The following KAZN variants were observed in gnomAD, a reference collection of about 807,000 sequenced individuals.
KAZN encodes kazrin.
Under a neutral mutation model 87.4 loss-of-function variants are expected in KAZN, and 40 were observed. The ratio of observed to expected loss-of-function variants is 0.46; its 90% CI spans 0.36 to 0.60. KAZN has a LOEUF of 0.60. KAZN is among the 20% of genes least tolerant of loss of function. KAZN has a pLI of 0.00. For synonymous variants in KAZN, 466 were observed against 458.3 expected (o/e 1.02, Z -0.22); for missense variants, 898 against 1,073.9 (o/e 0.84, Z 2.29).
intron 1 of KAZN, among the ~76,000 whole-genome samples, chr1:13,960,499 T>A (rs1195876712): frequency 2.0e-5 from 3 of 151,650 alleles, no homozygotes; most frequent in African/African-American, 7.3e-5. Flanking sequence ...GCCACAGAGA[T>A]GAAGGTGAAA....
At chr1:14,588,988 A>C (rs1486375918) in intron 2 of KAZN, among the ~76,000 whole-genome samples, 1 of 152,180 alleles carries the variant, frequency 6.6e-6, no homozygotes, top group Non-Finnish European at 1.5e-5. Flanking sequence ...GGCCATGGGC[A>C]CGGATGCAGA....
chr1:14,368,763 A>T (rs1054420294), intron 2 of KAZN, among the ~76,000 whole-genome samples: 1 of 152,192 alleles, frequency 6.6e-6, no homozygotes, highest in Non-Finnish European at 1.5e-5. Context: ...ATCGATTTTT[A>T]TAGTGTCTAA....
intron 2 of KAZN, among the ~76,000 whole-genome samples, chr1:14,240,475 C>T (rs977086938): frequency 6.6e-6 from 1 of 152,202 alleles, no homozygotes; most frequent in African/African-American, 2.4e-5. Flanking sequence ...GGGCCTTGCT[C>T]AGTTCCTCTT....
At chr1:14,913,212 C>A (rs1657436438) in intron 1 of KAZN, among the ~76,000 whole-genome samples, 1 of 152,128 alleles carries the variant, frequency 6.6e-6, no homozygotes, top group Admixed American at 6.5e-5. Flanking sequence ...GCTCACCCAG[C>A]GGCTCTTGGG....
In KAZN at chr1:14,923,795, G is replaced by C. The variant is rs1169303885; in HGVS notation, c.227-36889G>C. On this transcript the variant is annotated intron_variant, in intron 1 of 14. Coordinates refer to ENST00000376030, the MANE Select transcript of KAZN (RefSeq NM_201628.3). The surrounding 1 kb of genome is among the most constrained non-coding windows in gnomAD (Gnocchi z 4.2). ...GTCAGCTGTGGGGACCTCGGCTCTC[G>C]GCAAGGCTGTCACAGGGTGTCAGGA... 6.6e-6 allele frequency among the ~76,000 whole-genome samples: 1 copy of C among 152,204 alleles called. No homozygotes were observed. The highest frequency in any genetic ancestry group is 2.4e-5 in the African/African-American group (1 of 41,454).
chr1:14,814,131 A>G (rs1646495337), intron 1 of KAZN, among the ~76,000 whole-genome samples: 1 of 152,262 alleles, frequency 6.6e-6, no homozygotes, highest in Non-Finnish European at 1.5e-5. Flanking sequence ...CTTGATGTCC[A>G]CTAAGGGAAG....
At chr1:14,857,837 GTTC>G (rs1650310088) in intron 1 of KAZN, among the ~76,000 whole-genome samples, 1 of 54,020 alleles carries the variant, frequency 1.9e-5, no homozygotes, top group Non-Finnish European at 3.7e-5. Flanking sequence ...TTGAGATATA[GTTC>G]ATATACCATA....
chr1:14,041,892 T>C (rs1430018180), intron 1 of KAZN, among the ~76,000 whole-genome samples: 1 of 152,190 alleles, frequency 6.6e-6, no homozygotes, highest in Non-Finnish European at 1.5e-5. Flanking sequence ...AAGGTATTGT[T>C]TAATTTTTTT....
intron 2 of KAZN, among the ~76,000 whole-genome samples, chr1:14,576,533 T>C (rs747686283): frequency 6.6e-6 from 1 of 152,228 alleles, no homozygotes; most frequent in Non-Finnish European, 1.5e-5. Context: ...CTGAAAAGGA[T>C]ATGAAGTCAT....
At chr1:14,214,447 A>G (rs978389321) in intron 2 of KAZN, among the ~76,000 whole-genome samples, 4 of 152,314 alleles carry the variant, frequency 2.6e-5, no homozygotes, top group African/African-American at 9.6e-5. Context: ...AAATCTGCAG[A>G]TAACCCCCAA....
At chr1:14,642,541 G>T (rs1430013869) in intron 1 of KAZN, among the ~76,000 whole-genome samples, 1 of 152,206 alleles carries the variant, frequency 6.6e-6, no homozygotes, top group African/African-American at 2.4e-5. Context: ...ACTGGAGGCT[G>T]GAGGGGTTGG....
intron 1 of KAZN, among the ~76,000 whole-genome samples, chr1:14,881,173 A>G (rs955415933): frequency 6.6e-6 from 1 of 152,202 alleles, no homozygotes; most frequent in Non-Finnish European, 1.5e-5. Flanking sequence ...TGCTCCACAG[A>G]TTGTGCTCAG....
At chr1:14,964,777 C>T (rs1018325346) in intron 2 of KAZN, among the ~76,000 whole-genome samples, 4 of 152,186 alleles carry the variant, frequency 2.6e-5, no homozygotes, top group Admixed American at 2.0e-4. Flanking sequence ...ACTGCCCCAC[C>T]GTCTTTGTGT....
At position 15,112,485 on chromosome 1, in the gene KAZN, G is replaced by C; in HGVS notation, c.2107G>C (p.Val703Leu). ...FGTPPGRASSVTRAGKEENSS... is the reference protein window; with the variant it reads ...FGTPPGRASSLTRAGKEENSS... ...AACGCCCCCTGGCAGGGCCTCCAGC[G>C]TCACGCGGGCAGGAAAGGAGGAGAA... Residue 703 changes from valine to leucine, a missense_variant, in exon 14 of 15, where the codon GTC (valine) becomes CTC (leucine). This residue lies in a region of KAZN where 127 missense variants were observed against 121.5 expected (regional missense o/e 1.04). Transcript: ENST00000376030. 1.2e-6 allele frequency: 2 copies of C among 1,605,498 alleles called. No individual in the cohort carries two copies. The highest frequency in any genetic ancestry group is 1.7e-6 in the Non-Finnish European group (2 of 1,177,016).
At chr1:14,851,149 C>A (rs192331721) in intron 1 of KAZN, among the ~76,000 whole-genome samples, 1 of 152,130 alleles carries the variant, frequency 6.6e-6, no homozygotes, top group Non-Finnish European at 1.5e-5. Context: ...CCCTCCTAGA[C>A]GGCTCACAGC....
At position 14,735,350 on chromosome 1, in the gene KAZN, G is replaced by A. The variant is rs567767924; in HGVS notation, c.226+136127G>A. ...GCTGGGATTACAGGCGTGAGCCACC[G>A]CGCCCGGCCCGTGCTGTTGTTTTCA... On this transcript the variant is annotated intron_variant, in intron 1 of 14. Transcript: ENST00000376030. The surrounding 1 kb of genome is among the most constrained non-coding windows in gnomAD (Gnocchi z 4.3). Among the ~76,000 whole-genome samples, 7 of 152,324 alleles carry A rather than the reference G, an allele frequency of 4.6e-5. No individual in the cohort carries two copies. The South Asian group carries it at 1.5e-3, about 32-fold the overall frequency.
chr1:13,958,061 GTTCA>G (rs1160692242), intron 1 of KAZN, among the ~76,000 whole-genome samples: 20 of 152,220 alleles, frequency 1.3e-4, no homozygotes, highest in Admixed American at 5.9e-4. Flanking sequence ...CACCTCATTC[GTTCA>G]TTCATATATT....
At chr1:14,800,867 GC>G (rs1310450192) in intron 1 of KAZN, among the ~76,000 whole-genome samples, 1 of 152,142 alleles carries the variant, frequency 6.6e-6, no homozygotes, top group Admixed American at 6.5e-5. Context: ...CTTCGTAGTT[GC>G]CGGGGACTGT....
intron 1 of KAZN, among the ~76,000 whole-genome samples, chr1:13,986,386 C>A (rs1557764897): frequency 2.0e-5 from 3 of 152,030 alleles, no homozygotes; most frequent in Non-Finnish European, 4.4e-5. Context: ...CTGCAGTGAA[C>A]AAGTGTTGCT....
Sources: allele counts gnomAD v4.1 joint callset (sites outside exome capture counted in the v4.1 genomes callset), GRCh38; gene constraint gnomAD v4.1.1; regional missense constraint gnomAD v4.1.1; non-coding constraint Gnocchi (gnomAD v3.1); transcripts MANE v1.5; gene names NCBI Gene and HGNC (gene_info 2026-07-23, HGNC 2026-07-21).